Variants in CCDC85C observed in about 807,000 individuals in gnomAD.
CCDC85C encodes the protein coiled-coil domain containing 85C, also known as coiled-coil domain-containing protein 85C.
In CCDC85C, 18 loss-of-function variants were observed where a neutral mutation model predicts 38.3. The observed-to-expected ratio is 0.47, with a 90% CI of 0.33 to 0.70. CCDC85C has a LOEUF of 0.70. CCDC85C is among the 30% of genes least tolerant of loss of function. CCDC85C has a pLI of 0.03. For missense variants in CCDC85C, 566 were observed against 621.2 expected, an observed-to-expected ratio of 0.91 and a Z score of 0.94; for synonymous variants, 264 against 293.8, an observed-to-expected ratio of 0.90 and a Z score of 1.04.
rs1896997442 is a variant in CCDC85C at position 99,507,200 on chromosome 14, T to C, written c.*8046A>G. The C allele has an allele frequency of 9.4e-7, 1 of 1,061,424 alleles. No individual in the cohort carries two copies. Among genetic ancestry groups the C allele is most frequent in the African/African-American group, 1.5e-5 (1 of 64,538 alleles). 65.8% of individuals were successfully genotyped at this position (1,061,424 alleles called of 1,614,324 possible). A position where few individuals can be genotyped will look rare whatever the true frequency, so the allele number is the denominator to read the frequency against. ...AGCTGTGCACATCGCCTCTGAATGT[T>C]GGACGCAGCAGGTCCTGGGAACTTA... On this transcript the variant is annotated 3_prime_UTR_variant, in exon 6 of 6. Coordinates refer to ENST00000380243, the MANE Select transcript of CCDC85C (RefSeq NM_001144995.2).
chr14:99,586,974 C>A (rs1370835438), intron 1 of CCDC85C, among the ~76,000 whole-genome samples: 2 of 152,220 alleles, frequency 1.3e-5, no homozygotes, highest in African/African-American at 4.8e-5. Context: ...TACCGGGGAC[C>A]TGCTTGCTCC....
At chr14:99,553,350 C>T in intron 1 of CCDC85C, among the ~76,000 whole-genome samples, 1 of 125,152 alleles carries the variant, frequency 8.0e-6, no homozygotes, top group East Asian at 2.4e-4. Context: ...CCACTAATTC[C>T]CTGTGTGGTT....
intron 1 of CCDC85C, among the ~76,000 whole-genome samples, chr14:99,553,962 A>C (rs1897963446): frequency 5.3e-5 from 8 of 152,170 alleles, no homozygotes; most frequent in Admixed American, 5.2e-4. Flanking sequence ...CATCCCAGGA[A>C]GCCACTGATT....
rs1898365464 is a variant in CCDC85C at position 99,572,274 on chromosome 14, G to A, written c.793+30893C>T. On this transcript the variant is annotated intron_variant, in intron 1 of 5. Transcript: ENST00000380243. The surrounding 1 kb of genome is among the most constrained non-coding windows in gnomAD (Gnocchi z 4.4). The stretch of plus-strand genomic sequence containing the variant: ...CCCCGAGAGTCCCTCCCTCCCCAGG[G>A]ATGGGTCTTTTCATGCCATCACTGC... 6.6e-6 allele frequency among the ~76,000 whole-genome samples: 1 copy of A among 152,138 alleles called. No homozygotes were observed. Among genetic ancestry groups the A allele is most frequent in the South Asian group, 2.1e-4 (1 of 4,824 alleles).
chr14:99,548,151 A>G lies in CCDC85C; in HGVS notation c.794-12063T>C, dbSNP rs1201230283. Among the ~76,000 whole-genome samples, 1 of 152,160 alleles carries G rather than the reference A, an allele frequency of 6.6e-6. No individual in the cohort carries two copies. Among genetic ancestry groups the G allele is most frequent in the African/African-American group, 2.4e-5 (1 of 41,436 alleles). ...GAGCAGAGTTGGACAACAAGCTGCCATCTGGGAGGAGCCATGTGTAAGTCC... is the reference window on the plus strand; with the variant it reads ...GAGCAGAGTTGGACAACAAGCTGCCGTCTGGGAGGAGCCATGTGTAAGTCC... On this transcript the variant is annotated intron_variant, in intron 1 of 5. Coordinates refer to ENST00000380243, the MANE Select transcript of CCDC85C (RefSeq NM_001144995.2). The surrounding 1 kb of genome is among the most constrained non-coding windows in gnomAD (Gnocchi z 4.9).
chr14:99,571,843 C>T (rs1898351874), intron 1 of CCDC85C, among the ~76,000 whole-genome samples: 1 of 152,206 alleles, frequency 6.6e-6, no homozygotes, highest in Admixed American at 6.5e-5. Context: ...ATCAGAACAA[C>T]AAATCCCACC....
Position 99,583,573 on chromosome 14 carries a change from G to A in CCDC85C, c.793+19594C>T, listed in dbSNP as rs575233625. Among the ~76,000 whole-genome samples, 20 of 150,774 alleles carry A rather than the reference G, an allele frequency of 1.3e-4. No individual in the cohort carries two copies. The South Asian group carries it at 3.4e-3, about 25-fold the overall frequency. ...TGTTATCCCAGCACTTTGGGAGGCC[G>A]AGGCGGGCGGATCACAAGGTCAGAA... is the stretch of plus-strand genomic sequence containing the variant. On this transcript the variant is annotated intron_variant, in intron 1 of 5. Coordinates refer to ENST00000380243, the MANE Select transcript of CCDC85C (RefSeq NM_001144995.2).
chr14:99,528,848 G>C (rs942217572), intron 2 of CCDC85C, among the ~76,000 whole-genome samples: 2 of 152,148 alleles, frequency 1.3e-5, no homozygotes, highest in Non-Finnish European at 2.9e-5. Flanking sequence ...AGGGGGACGA[G>C]GGGAGGGAGA....
chr14:99,595,360 C>A (rs1188837271), intron 1 of CCDC85C, among the ~76,000 whole-genome samples: 1 of 152,126 alleles, frequency 6.6e-6, no homozygotes, highest in Non-Finnish European at 1.5e-5. Flanking sequence ...TCAAGAGATT[C>A]TCCTGCCTAC....
intron 1 of CCDC85C, among the ~76,000 whole-genome samples, chr14:99,561,685 G>A (rs577838844): frequency 3.3e-5 from 5 of 152,152 alleles, no homozygotes; most frequent in South Asian, 4.1e-4. Flanking sequence ...GGGCCCAGGC[G>A]CACACCACAG....
At position 99,588,703 on chromosome 14, in the gene CCDC85C, T is replaced by C. The variant is rs796407619; in HGVS notation, c.793+14464A>G. ...CCCACCCGTATAAGCACTTGGAAGG[T>C]GGTCCTGAAGTAAGAAACCAGGCCA... is the stretch of plus-strand genomic sequence containing the variant. On this transcript the variant is annotated intron_variant, in intron 1 of 5. Coordinates refer to ENST00000380243, the MANE Select transcript of CCDC85C (RefSeq NM_001144995.2). This position sits in a 1 kb window ranked among gnomAD's most constrained non-coding sequence, Gnocchi z 5.0. Among the ~76,000 whole-genome samples the C allele has an allele frequency of 8.6e-5, 13 of 151,894 alleles. 2 individuals are homozygous for C. The highest frequency in any genetic ancestry group is 2.7e-4 in the African/African-American group (11 of 41,414).
chr14:99,540,257 C>T (rs1346796367), intron 1 of CCDC85C, among the ~76,000 whole-genome samples: 2 of 152,226 alleles, frequency 1.3e-5, no homozygotes, highest in Non-Finnish European at 1.5e-5. Flanking sequence ...TCTCCCCACA[C>T]TCAGCTCCCT....
At chr14:99,591,228 G>T (rs1340215911) in intron 1 of CCDC85C, among the ~76,000 whole-genome samples, 3 of 152,260 alleles carry the variant, frequency 2.0e-5, no homozygotes, top group Non-Finnish European at 4.4e-5. Context: ...AGAACAAGGT[G>T]CTGGCGGCTG....
intron 3 of CCDC85C, among the ~76,000 whole-genome samples, chr14:99,521,893 G>C: frequency 6.6e-6 from 1 of 152,230 alleles, no homozygotes; most frequent in East Asian, 1.9e-4. Context: ...AGGGACAGGG[G>C]CTAGGCACGG....
chr14:99,507,192 C>G lies in CCDC85C; in HGVS notation c.*8054G>C. 2 of 1,160,728 alleles carry G rather than the reference C, an allele frequency of 1.7e-6. No homozygotes were observed. Among genetic ancestry groups the G allele is most frequent in the Non-Finnish European group, 2.6e-6 (2 of 767,624 alleles). The allele number at this position is 1,160,728 out of a possible 1,614,324, so 71.9% of individuals were successfully genotyped here. A position where few individuals can be genotyped will look rare whatever the true frequency, so the allele number is the denominator to read the frequency against. Reference sequence around the variant, plus strand: ...GCTTGGCCAGCTGTGCACATCGCCTCTGAATGTTGGACGCAGCAGGTCCTG... The same window carrying G: ...GCTTGGCCAGCTGTGCACATCGCCTGTGAATGTTGGACGCAGCAGGTCCTG... On this transcript the variant is annotated 3_prime_UTR_variant, in exon 6 of 6. Transcript: ENST00000380243.
intron 1 of CCDC85C, among the ~76,000 whole-genome samples, chr14:99,552,296 C>G (rs1277450156): frequency 2.0e-5 from 3 of 152,198 alleles, no homozygotes; most frequent in Non-Finnish European, 4.4e-5. Context: ...AAGCATTCTG[C>G]GGAGGCTGAC....
chr14:99,597,349 G>C (rs1431309938), intron 1 of CCDC85C, among the ~76,000 whole-genome samples: 1 of 152,172 alleles, frequency 6.6e-6, no homozygotes, highest in Non-Finnish European at 1.5e-5. Flanking sequence ...CAACCAGATT[G>C]GATTGAACAC....
chr14:99,600,595 T>C (rs1595112196), intron 1 of CCDC85C, among the ~76,000 whole-genome samples: 1 of 152,326 alleles, frequency 6.6e-6, no homozygotes, highest in Admixed American at 6.5e-5. Context: ...GAGATGATCA[T>C]GGCAGCAAAC....
At chr14:99,555,137 G>C (rs980108612) in intron 1 of CCDC85C, among the ~76,000 whole-genome samples, 1 of 152,210 alleles carries the variant, frequency 6.6e-6, no homozygotes, top group East Asian at 1.9e-4. Context: ...TGAGGCGGGC[G>C]GGACAGGGAG....
Sources: gnomAD v4.1 joint callset for allele counts (sites outside exome capture counted in the v4.1 genomes callset) on GRCh38, gnomAD v4.1.1 for gene constraint, Gnocchi (gnomAD v3.1) non-coding constraint, MANE v1.5 for transcripts, NCBI Gene and HGNC (gene_info 2026-07-23, HGNC 2026-07-21) for gene names.